STXBP4: variants seen among roughly 807,000 people sequenced by gnomAD.
The protein encoded by STXBP4 is syntaxin binding protein 4, also known as syntaxin-binding protein 4.
STXBP4 carries 55 observed loss-of-function variants against 76.1 expected under a neutral mutation model. That is an observed-to-expected ratio of 0.72 (90% CI 0.58 to 0.91). The LOEUF is 0.91. Ranked by LOEUF, STXBP4 falls within the 40% of genes least tolerant of loss-of-function variation. The probability of loss-of-function intolerance (pLI) is 0.00; values close to 1 mark genes in which losing one functional copy is unlikely to be tolerated. For missense variants in STXBP4, 618 were observed against 636.9 expected, an observed-to-expected ratio of 0.97 and a Z score of 0.32; for synonymous variants, 201 against 220.2, an observed-to-expected ratio of 0.91 and a Z score of 0.77.
chr17:54,975,701 G>A (rs1342677083), intron 1 of STXBP4, among the ~76,000 whole-genome samples: 1 of 152,116 alleles, frequency 6.6e-6, no homozygotes. Context: ...TGCTACCATA[G>A]CCCATAAGAC....
chr17:55,140,610 G>A (rs1399933916), intron 16 of STXBP4, among the ~76,000 whole-genome samples: 2 of 152,062 alleles, frequency 1.3e-5, no homozygotes, highest in African/African-American at 4.8e-5. Context: ...GGTATGATGA[G>A]GGCCAAAATG....
chr17:55,154,066 A>C (rs926115336), intron 17 of STXBP4, among the ~76,000 whole-genome samples: 2 of 152,154 alleles, frequency 1.3e-5, no homozygotes, highest in Admixed American at 1.3e-4. Context: ...ATGCTCACAA[A>C]TCAATGCAGG....
chr17:55,193,815 G>GA, the STXBP4 span, among the ~76,000 whole-genome samples: 52,811 of 105,858 alleles, frequency 0.5, 13,819 homozygotes, highest in Non-Finnish European at 0.57. Context: ...CCTGATTTCA[G>GA]AAAAAAAAAA....
Position 55,119,353 on chromosome 17 carries a change from T to C in STXBP4, c.1490-21957T>C, listed in dbSNP as rs887444727. Among the ~76,000 whole-genome samples the C allele has an allele frequency of 3.4e-4, 51 of 152,136 alleles. 1 individual carries two copies. Among genetic ancestry groups the C allele is most frequent in the Non-Finnish European group, 1.3e-4 (9 of 68,000 alleles). On this transcript the variant is annotated intron_variant, in intron 16 of 17. Transcript: ENST00000376352. Reference sequence around the variant, plus strand: ...AGAATGCTTTAGAGAGATCTGATAATGGTGAGTTAATACTACTGATGGATT... The same window carrying C: ...AGAATGCTTTAGAGAGATCTGATAACGGTGAGTTAATACTACTGATGGATT...
At chr17:54,988,415 C>T (rs2077658413) in intron 3 of STXBP4, among the ~76,000 whole-genome samples, 1 of 152,136 alleles carries the variant, frequency 6.6e-6, no homozygotes, top group Non-Finnish European at 1.5e-5. Flanking sequence ...ACTTCCCTTT[C>T]TTACCTTATC....
At chr17:55,075,413 C>T (rs1436734747) in intron 13 of STXBP4, among the ~76,000 whole-genome samples, 6 of 152,036 alleles carry the variant, frequency 3.9e-5, no homozygotes, top group Admixed American at 6.6e-5. Context: ...GGATATACTA[C>T]GTGTAATTAT....
the STXBP4 span, among the ~76,000 whole-genome samples, chr17:55,186,173 C>G: frequency 6.6e-6 from 1 of 152,150 alleles, no homozygotes; most frequent in Non-Finnish European, 1.5e-5. Flanking sequence ...TAATTTATGA[C>G]CACAAATATA....
chr17:54,995,625 A>T (rs188031971), intron 4 of STXBP4, among the ~76,000 whole-genome samples: 11 of 152,320 alleles, frequency 7.2e-5, no homozygotes, highest in South Asian at 6.2e-4. Flanking sequence ...GAAGTAGGAC[A>T]TATTTAACTT....
At chr17:55,134,583 G>A (rs1461062429) in intron 16 of STXBP4, among the ~76,000 whole-genome samples, 1 of 152,070 alleles carries the variant, frequency 6.6e-6, no homozygotes, top group Non-Finnish European at 1.5e-5. Flanking sequence ...GTTGGGCTGA[G>A]GAGAGTCAGA....
At chr17:54,997,314 C>T (rs2077819348) in intron 4 of STXBP4, among the ~76,000 whole-genome samples, 1 of 151,870 alleles carries the variant, frequency 6.6e-6, no homozygotes, top group Non-Finnish European at 1.5e-5. Flanking sequence ...CACCAGAAGT[C>T]ATAGTCAGAA....
At chr17:55,111,733 C>A (rs1243201492) in intron 16 of STXBP4, among the ~76,000 whole-genome samples, 1 of 152,172 alleles carries the variant, frequency 6.6e-6, no homozygotes, top group African/African-American at 2.4e-5. Flanking sequence ...GTTTGTATAG[C>A]CTACAGAATC....
intron 16 of STXBP4, among the ~76,000 whole-genome samples, chr17:55,098,454 G>C (rs1267979751): frequency 6.6e-6 from 1 of 152,134 alleles, no homozygotes; most frequent in Non-Finnish European, 1.5e-5. Context: ...AATTGCATAG[G>C]AATGAGGTCT....
chr17:55,047,567 G>A, intron 12 of STXBP4, among the ~76,000 whole-genome samples: 1 of 150,842 alleles, frequency 6.6e-6, no homozygotes, highest in Non-Finnish European at 1.5e-5. Context: ...ACATTTATTT[G>A]TTAATAATAA....
Position 55,047,171 on chromosome 17 carries a change from T to G in STXBP4, c.1011+17T>G. On this transcript the variant is annotated intron_variant, in intron 12 of 17. Transcript: ENST00000376352. ...GTGAAACAAGTAAGTATATGTATTG[T>G]GTATATATGTGCTCGTGTGTGTGTG... The G allele has an allele frequency of 6.7e-7, 1 of 1,487,750 alleles. No individual in the cohort carries two copies. The highest frequency in any genetic ancestry group is 9.3e-7 in the Non-Finnish European group (1 of 1,076,252). The allele number at this position is 1,487,750 out of a possible 1,614,324, so 92.2% of individuals were successfully genotyped here.
chr17:55,029,792 AGTT>A (rs2078475579), intron 8 of STXBP4, among the ~76,000 whole-genome samples: 1 of 152,042 alleles, frequency 6.6e-6, no homozygotes, highest in African/African-American at 2.4e-5. Context: ...ATTTCTTTAC[AGTT>A]GTTCTCACCC....
intron 16 of STXBP4, among the ~76,000 whole-genome samples, chr17:55,126,813 G>C (rs2079917842): frequency 6.6e-6 from 1 of 152,144 alleles, no homozygotes; most frequent in Admixed American, 6.6e-5. Flanking sequence ...TGGAAAAGCA[G>C]AGACGAAAAG....
At chr17:55,099,363 T>C (rs1409668555) in intron 16 of STXBP4, among the ~76,000 whole-genome samples, 1 of 152,246 alleles carries the variant, frequency 6.6e-6, no homozygotes, top group East Asian at 1.9e-4. Flanking sequence ...TTAGGCAATG[T>C]CATCATTGTG....
At chr17:55,181,427 T>G in the STXBP4 span, among the ~76,000 whole-genome samples, 1 of 152,264 alleles carries the variant, frequency 6.6e-6, no homozygotes, top group South Asian at 2.1e-4. Context: ...TCACCTTCCC[T>G]TTGGAGTGCT....
At chr17:55,059,663 T>C (rs918603836) in intron 12 of STXBP4, among the ~76,000 whole-genome samples, 1 of 152,072 alleles carries the variant, frequency 6.6e-6, no homozygotes, top group East Asian at 1.9e-4. Context: ...AGGAGAAATA[T>C]CAGCAATCAG....
Sources: allele counts gnomAD v4.1 joint callset (sites outside exome capture counted in the v4.1 genomes callset), GRCh38; gene constraint gnomAD v4.1.1; transcripts MANE v1.5; gene names NCBI Gene and HGNC (gene_info 2026-07-23, HGNC 2026-07-21).